The following ZNF385D variants were observed in gnomAD, a reference collection of about 807,000 sequenced individuals.
ZNF385D encodes zinc finger protein 385D.
In ZNF385D, 15 loss-of-function variants were observed where a neutral mutation model predicts 35.8. The ratio of observed to expected loss-of-function variants is 0.42; its 90% CI spans 0.28 to 0.64. The LOEUF is 0.64. Ranked by LOEUF, ZNF385D falls within the 30% of genes least tolerant of loss-of-function variation. ZNF385D has a pLI of 0.23. For synonymous variants in ZNF385D, 212 were observed against 186.8 expected, an observed-to-expected ratio of 1.13 and a Z score of -1.10; for missense variants, 474 against 494.6, an observed-to-expected ratio of 0.96 and a Z score of 0.39.
intron 3 of ZNF385D, among the ~76,000 whole-genome samples, chr3:22,121,564 T>C (rs148481226): frequency 5.5e-4 from 83 of 152,196 alleles, no homozygotes; most frequent in African/African-American, 1.9e-3. Context: ...GCGTGCACAA[T>C]GCACAAAGGA....
intron 3 of ZNF385D, among the ~76,000 whole-genome samples, chr3:21,909,657 C>G (rs779453289): frequency 6.6e-6 from 1 of 151,968 alleles, no homozygotes; most frequent in Non-Finnish European, 1.5e-5. Flanking sequence ...GATACTGTAG[C>G]AGGAATAGCA....
At chr3:21,799,272 T>G (rs932762983) in intron 3 of ZNF385D, among the ~76,000 whole-genome samples, 1 of 152,190 alleles carries the variant, frequency 6.6e-6, no homozygotes, top group Non-Finnish European at 1.5e-5. Flanking sequence ...ATACATGTTT[T>G]TTGGAATGCT....
chr3:21,805,288 G>A (rs1004892570), intron 3 of ZNF385D, among the ~76,000 whole-genome samples: 2 of 152,198 alleles, frequency 1.3e-5, no homozygotes, highest in Non-Finnish European at 2.9e-5. Flanking sequence ...TAAATAGTGT[G>A]TAGATTTCTT....
intron 2 of ZNF385D, among the ~76,000 whole-genome samples, chr3:22,193,942 A>G (rs752925025): frequency 7.2e-5 from 11 of 151,964 alleles, no homozygotes; most frequent in Non-Finnish European, 1.6e-4. Flanking sequence ...AGCATTAGGT[A>G]GTGCATTTTT....
intron 1 of ZNF385D, among the ~76,000 whole-genome samples, chr3:21,679,762 T>C (rs1218367309): frequency 1.3e-5 from 2 of 151,970 alleles, no homozygotes; most frequent in Non-Finnish European, 2.9e-5. Flanking sequence ...TTTGGAGAAA[T>C]AATTATATCC....
At chr3:21,666,862 G>C (rs577708760) in intron 1 of ZNF385D, among the ~76,000 whole-genome samples, 1 of 152,254 alleles carries the variant, frequency 6.6e-6, no homozygotes, top group South Asian at 2.1e-4. Context: ...TGGATCACTT[G>C]AAGTCAGGAG....
At chr3:22,344,771 A>C (rs1695581942) in intron 2 of ZNF385D, among the ~76,000 whole-genome samples, 1 of 152,152 alleles carries the variant, frequency 6.6e-6, no homozygotes, top group Non-Finnish European at 1.5e-5. Context: ...GTAAAGATTA[A>C]GTATATTTAA....
chr3:21,933,133 ACT>A (rs1265434169), intron 3 of ZNF385D, among the ~76,000 whole-genome samples: 1 of 151,982 alleles, frequency 6.6e-6, no homozygotes, highest in Non-Finnish European at 1.5e-5. Flanking sequence ...CAATAGAAAA[ACT>A]CGTCTCAATT....
chr3:22,143,059 T>TTG (rs57448532), intron 3 of ZNF385D, among the ~76,000 whole-genome samples: 9,220 of 140,730 alleles, frequency 0.066, 338 homozygotes, highest in South Asian at 0.12. Context: ...ATTAAATCGG[T>TTG]TGTGTGTGTG....
intron 3 of ZNF385D, among the ~76,000 whole-genome samples, chr3:21,881,721 A>C (rs1352380623): frequency 6.6e-6 from 1 of 152,014 alleles, no homozygotes; most frequent in East Asian, 1.9e-4. Context: ...GGATCTGGGC[A>C]ATGTAAACTG....
At chr3:21,469,621 A>C (rs556470496) in intron 4 of ZNF385D, among the ~76,000 whole-genome samples, 1 of 152,196 alleles carries the variant, frequency 6.6e-6, no homozygotes, top group Non-Finnish European at 1.5e-5. Context: ...TGTTTTTATT[A>C]TAAGTTGTTC....
chr3:21,626,051 G>T (rs60982953), intron 2 of ZNF385D, among the ~76,000 whole-genome samples: 14,567 of 152,036 alleles, frequency 0.096, 922 homozygotes, highest in East Asian at 0.14. Flanking sequence ...TACAGATGAG[G>T]AAACTATTAA....
chr3:22,212,970 T>C (rs892566640), intron 2 of ZNF385D, among the ~76,000 whole-genome samples: 10 of 151,990 alleles, frequency 6.6e-5, no homozygotes, highest in Non-Finnish European at 1.5e-4. Flanking sequence ...TTAAACATAA[T>C]GGTTAGAGTG....
chr3:22,058,314 G>C (rs1171521877), intron 3 of ZNF385D, among the ~76,000 whole-genome samples: 1 of 152,182 alleles, frequency 6.6e-6, no homozygotes, highest in Non-Finnish European at 1.5e-5. Flanking sequence ...TTTGATATTA[G>C]CTAATTCAAC....
At chr3:22,298,451 TTATA>T (rs1702719189) in intron 2 of ZNF385D, among the ~76,000 whole-genome samples, 2 of 128,022 alleles carry the variant, frequency 1.6e-5, no homozygotes, top group South Asian at 2.4e-4. Flanking sequence ...CATAAAATAT[TTATA>T]TATAATATAT....
At chr3:21,982,020 T>C (rs1694483040) in intron 3 of ZNF385D, among the ~76,000 whole-genome samples, 1 of 152,000 alleles carries the variant, frequency 6.6e-6, no homozygotes, top group African/African-American at 2.4e-5. Context: ...TTGTTCTTTG[T>C]GCTTAGGATC....
intron 2 of ZNF385D, among the ~76,000 whole-genome samples, chr3:22,185,441 T>TA (rs1695564553): frequency 6.6e-6 from 1 of 152,126 alleles, no homozygotes; most frequent in South Asian, 2.1e-4. Flanking sequence ...ATAATACATG[T>TA]ATTTAAATAT....
chr3:22,351,484 T>C (rs1690928839), intron 2 of ZNF385D, among the ~76,000 whole-genome samples: 1 of 151,986 alleles, frequency 6.6e-6, no homozygotes, highest in Non-Finnish European at 1.5e-5. Flanking sequence ...GTCTGGAAAA[T>C]ACTTTAAGGG....
At chr3:21,976,992 AAATAAT>A (rs74758944) in intron 3 of ZNF385D, among the ~76,000 whole-genome samples, 1 of 151,746 alleles carries the variant, frequency 6.6e-6, no homozygotes, top group Non-Finnish European at 1.5e-5. Context: ...CATCTCAGGA[AAATAAT>A]AATAATAATA....
Sources: allele counts gnomAD v4.1 joint callset (sites outside exome capture counted in the v4.1 genomes callset), GRCh38; gene constraint gnomAD v4.1.1; transcripts MANE v1.5; gene names NCBI Gene and HGNC (gene_info 2026-07-23, HGNC 2026-07-21).